The following NPAS3 variants were observed in gnomAD, a reference collection of about 807,000 sequenced individuals.
NPAS3 encodes the protein neuronal PAS domain-containing protein 3.
A neutral mutation model predicts 73.1 loss-of-function variants in NPAS3; 14 were observed. The ratio of observed to expected loss-of-function variants is 0.19; its 90% CI spans 0.13 to 0.30. NPAS3 has a LOEUF of 0.30. Ranked by LOEUF, NPAS3 falls within the 10% of genes least tolerant of loss-of-function variation. The pLI is 1.00. For synonymous variants in NPAS3, 620 were observed against 541.5 expected (o/e 1.14, Z -2.01); for missense variants, 1,096 against 1,250.0 (o/e 0.88, Z 1.86).
intron 5 of NPAS3, among the ~76,000 whole-genome samples, chr14:33,655,831 A>G (rs1395251960): frequency 1.3e-5 from 2 of 152,110 alleles, no homozygotes; most frequent in African/African-American, 4.8e-5. Flanking sequence ...ATTTCATCCC[A>G]TAGTCTCAAA....
At chr14:33,197,764 T>C (rs1566665260) in intron 2 of NPAS3, among the ~76,000 whole-genome samples, 1 of 152,246 alleles carries the variant, frequency 6.6e-6, no homozygotes, top group South Asian at 2.1e-4. Context: ...GATTTGTAAG[T>C]ATCCTGCCAT....
At chr14:33,230,789 T>C (rs958667693) in intron 3 of NPAS3, among the ~76,000 whole-genome samples, 8 of 152,208 alleles carry the variant, frequency 5.3e-5, no homozygotes, top group African/African-American at 1.9e-4. Context: ...ATATTCTGAA[T>C]AGGTGTGAAA....
At chr14:33,745,510 G>A (rs2061765156) in intron 7 of NPAS3, among the ~76,000 whole-genome samples, 1 of 152,132 alleles carries the variant, frequency 6.6e-6, no homozygotes, top group Non-Finnish European at 1.5e-5. Context: ...AGGCTATTGT[G>A]AAATAAAATG....
intron 5 of NPAS3, among the ~76,000 whole-genome samples, chr14:33,582,579 A>AT (rs2056708779): frequency 1.3e-5 from 2 of 152,210 alleles, no homozygotes; most frequent in Non-Finnish European, 2.9e-5. Context: ...AGTATGCACT[A>AT]TTTAATAGGT....
chr14:33,055,302 C>T (rs980528928), intron 1 of NPAS3, among the ~76,000 whole-genome samples: 1 of 152,198 alleles, frequency 6.6e-6, no homozygotes, highest in Non-Finnish European at 1.5e-5. Context: ...CCTGGAGCCA[C>T]TGTAATCAGT....
At chr14:33,735,414 G>GGAATATATATATATATATATAC in intron 7 of NPAS3, 82 bp downstream of exon 7, 1 of 958,890 alleles carries the variant, frequency 1.0e-6, no homozygotes. Flanking sequence ...GCTGCTTTAG[G>GGAATATATATATATATATATAC]TCCATATAAT....
intron 5 of NPAS3, among the ~76,000 whole-genome samples, chr14:33,664,280 A>G (rs777555224): frequency 2.0e-5 from 3 of 152,212 alleles, no homozygotes; most frequent in Non-Finnish European, 4.4e-5. Flanking sequence ...AGGATTCCCT[A>G]TTTAACAAAC....
At chr14:33,311,343 T>G (rs1311448283) in intron 3 of NPAS3, among the ~76,000 whole-genome samples, 1 of 152,180 alleles carries the variant, frequency 6.6e-6, no homozygotes, top group Non-Finnish European at 1.5e-5. Flanking sequence ...AAGGCCTTAT[T>G]CATAAAAGAA....
rs992946803 is a variant in NPAS3, at chr14:33,067,240, C to A, written c.140+11246C>A. 2.0e-5 allele frequency among the ~76,000 whole-genome samples: 3 copies of A among 152,282 alleles called. No individual in the cohort carries two copies. In the East Asian group the frequency reaches 5.8e-4, roughly 29 times the overall value. The stretch of plus-strand genomic sequence containing the variant: ...CTATTTGAGGATGGTCTGTTGAAAT[C>A]TATTTCTGCAAAAGAAGAAGACCCT... On this transcript the variant is annotated intron_variant, in intron 2 of 11. Transcript: ENST00000356141.
chr14:33,763,739 C>T (rs1233832223), intron 7 of NPAS3, among the ~76,000 whole-genome samples: 2 of 152,044 alleles, frequency 1.3e-5, no homozygotes, highest in Non-Finnish European at 2.9e-5. Context: ...TCTCTTTGTT[C>T]TTTTATTACT....
chr14:33,709,112 C>A (rs535429654), intron 6 of NPAS3, among the ~76,000 whole-genome samples: 3 of 152,146 alleles, frequency 2.0e-5, no homozygotes, highest in Non-Finnish European at 4.4e-5. Flanking sequence ...TCCACAACAC[C>A]CAAGTGGCTT....
At chr14:33,688,624 A>T (rs1027221547) in intron 6 of NPAS3, among the ~76,000 whole-genome samples, 1 of 152,150 alleles carries the variant, frequency 6.6e-6, no homozygotes, top group African/African-American at 2.4e-5. Flanking sequence ...GGTGTACTTC[A>T]AGCTTTCCCA....
intron 4 of NPAS3, among the ~76,000 whole-genome samples, chr14:33,519,028 T>C (rs2053441141): frequency 6.6e-6 from 1 of 152,126 alleles, no homozygotes; most frequent in African/African-American, 2.4e-5. Context: ...TCTGACTCCC[T>C]ACCTATACCA....
intron 1 of NPAS3, among the ~76,000 whole-genome samples, chr14:33,051,280 C>CAAAAAAAAAAAAAAAA (rs1236766783): frequency 6.7e-4 from 43 of 64,130 alleles, no homozygotes; most frequent in African/African-American, 1.6e-3. Context: ...GACTCCGTCT[C>CAAAAAAAAAAAAAAAA]AAAAAAAAAA....
rs1336029070 is a variant in NPAS3 at position 33,800,236 on chromosome 14, C to T, written c.1929C>T (p.Ala643=). Residue 643 remains alanine, a synonymous_variant, in exon 12 of 12, where the codon GCC becomes GCT. Coordinates refer to ENST00000356141, the Ensembl canonical transcript of NPAS3. The surrounding 1 kb of genome is among the most constrained non-coding windows in gnomAD (Gnocchi z 6.5). ...GGCTGCTGTCCTCCCCCAACAGTGC[C>T]TCGGTGCTCAAGATCAAGACGGAGA... is the stretch of plus-strand genomic sequence containing the variant. 1.9e-6 allele frequency: 3 copies of T among 1,613,130 alleles called. No homozygotes were observed. Among genetic ancestry groups the T allele is most frequent in the South Asian group, 1.1e-5 (1 of 91,064 alleles).
At chr14:33,090,510 G>A (rs1415928943) in intron 2 of NPAS3, among the ~76,000 whole-genome samples, 1 of 152,162 alleles carries the variant, frequency 6.6e-6, no homozygotes, top group East Asian at 1.9e-4. Flanking sequence ...AGTCCTTAGA[G>A]ACCTACAAAG....
At chr14:33,191,646 T>A (rs552954579) in intron 2 of NPAS3, among the ~76,000 whole-genome samples, 8 of 152,334 alleles carry the variant, frequency 5.3e-5, no homozygotes, top group Non-Finnish European at 1.2e-4. Flanking sequence ...TTGCTCTAAT[T>A]TTCAGAAATA....
chr14:33,379,049 A>C (rs2046426615), intron 4 of NPAS3, among the ~76,000 whole-genome samples: 1 of 152,308 alleles, frequency 6.6e-6, no homozygotes, highest in Admixed American at 6.5e-5. Flanking sequence ...AATAAAGTCA[A>C]AACTTTTTGT....
At chr14:33,565,001 C>T (rs191934218) in intron 5 of NPAS3, among the ~76,000 whole-genome samples, 1 of 152,248 alleles carries the variant, frequency 6.6e-6, no homozygotes, top group East Asian at 1.9e-4. Context: ...TCACCAAGTC[C>T]TCACCCTTAT....
Sources: allele counts gnomAD v4.1 joint callset (sites outside exome capture counted in the v4.1 genomes callset), GRCh38; gene constraint gnomAD v4.1.1; non-coding constraint Gnocchi (gnomAD v3.1); transcripts MANE v1.5; gene names NCBI Gene and HGNC (gene_info 2026-07-23, HGNC 2026-07-21).